Variants in FRMD4A observed in about 807,000 individuals in gnomAD.
FRMD4A encodes the protein FERM domain containing 4A, also known as FERM domain-containing protein 4A.
Under a neutral mutation model 129.1 loss-of-function variants are expected in FRMD4A, and 29 were observed. The ratio of observed to expected loss-of-function variants is 0.22; its 90% CI spans 0.17 to 0.31. FRMD4A has a LOEUF of 0.31. Ranked by LOEUF, FRMD4A falls within the 10% of genes least tolerant of loss-of-function variation. FRMD4A has a pLI of 1.00. For synonymous variants in FRMD4A, 634 were observed against 571.6 expected (o/e 1.11, Z -1.56); for missense variants, 1,272 against 1,375.8 (o/e 0.92, Z 1.19).
At chr10:14,238,588 C>T (rs1175926351) in intron 2 of FRMD4A, among the ~76,000 whole-genome samples, 1 of 152,042 alleles carries the variant, frequency 6.6e-6, no homozygotes, top group Non-Finnish European at 1.5e-5. Flanking sequence ...CATAGGTATA[C>T]ATGTGCCTTC....
rs61833193 is a variant in FRMD4A, at chr10:13,657,493, T to A, written c.2096A>T (p.His699Leu). The change falls in exon 22 of 25, where the codon CAC (histidine) becomes CTC (leucine). Residue 699 changes from histidine (H) to leucine (L), a missense_variant. Physicochemically the swap from His to Leu is moderately conservative, Grantham distance 99. Coordinates refer to ENST00000357447, the MANE Select transcript of FRMD4A (RefSeq NM_018027.5). ...GTGCCTAAAGTGCAGTGCGAGGCTGTGCAGTCGGGTGGGGCTGATGTCCAC... is the reference window on the plus strand; with the variant it reads ...GTGCCTAAAGTGCAGTGCGAGGCTGAGCAGTCGGGTGGGGCTGATGTCCAC... Reference protein sequence around the residue: ...RSVDISPTRLHSLALHFRHRS... With the variant: ...RSVDISPTRLLSLALHFRHRS... 2 of 1,602,446 alleles carry A rather than the reference T, an allele frequency of 1.2e-6. No homozygotes were observed. The highest frequency in any genetic ancestry group is 8.5e-7 in the Non-Finnish European group (1 of 1,177,054).
chr10:13,670,777 T>C (rs1484206610), intron 16 of FRMD4A, among the ~76,000 whole-genome samples: 1 of 152,266 alleles, frequency 6.6e-6, no homozygotes, highest in Admixed American at 6.5e-5. Flanking sequence ...TTTTCCAAAG[T>C]AAATTTCTGT....
chr10:14,180,716 T>C (rs1841887192), intron 2 of FRMD4A, among the ~76,000 whole-genome samples: 1 of 152,232 alleles, frequency 6.6e-6, no homozygotes, highest in Non-Finnish European at 1.5e-5. Context: ...CAGAGCTGAC[T>C]AGAACTCCAA....
At chr10:13,963,086 A>C (rs879408549) in intron 2 of FRMD4A, among the ~76,000 whole-genome samples, 1 of 152,192 alleles carries the variant, frequency 6.6e-6, no homozygotes, top group African/African-American at 2.4e-5. Flanking sequence ...TTAAGAAAGT[A>C]CTGTTGCAAA....
At chr10:13,776,331 A>C (rs2092596167) in intron 6 of FRMD4A, among the ~76,000 whole-genome samples, 1 of 152,056 alleles carries the variant, frequency 6.6e-6, no homozygotes, top group Non-Finnish European at 1.5e-5. Flanking sequence ...GGCTGGTCTC[A>C]AGCTCCTAAG....
chr10:13,766,270 ACTT>A (rs976583485), intron 6 of FRMD4A, among the ~76,000 whole-genome samples: 1 of 152,190 alleles, frequency 6.6e-6, no homozygotes, highest in Non-Finnish European at 1.5e-5. Flanking sequence ...GATTGATTCA[ACTT>A]CTCTCTCACC....
intron 2 of FRMD4A, among the ~76,000 whole-genome samples, chr10:14,141,643 G>A (rs1839841437): frequency 6.6e-6 from 1 of 152,004 alleles, no homozygotes; most frequent in East Asian, 1.9e-4. Flanking sequence ...CATCTCAGAG[G>A]CCTTTTCCCC....
Position 14,125,427 on chromosome 10 carries a change from A to G in FRMD4A, c.45+204631T>C, listed in dbSNP as rs543898933. Reference sequence around the variant, plus strand: ...TGACAAGCCTCCTTCCAGGACATTCAGAGACACAGTCACCCTGCCAAGCAG... The same window carrying G: ...TGACAAGCCTCCTTCCAGGACATTCGGAGACACAGTCACCCTGCCAAGCAG... On this transcript the variant is annotated intron_variant, in intron 2 of 24. Transcript: ENST00000357447. 1.5e-4 allele frequency among the ~76,000 whole-genome samples: 23 copies of G among 152,278 alleles called. No homozygotes were observed. The East Asian group carries it at 3.1e-3, about 20-fold the overall frequency.
At chr10:14,059,446 A>T (rs1296416799) in intron 2 of FRMD4A, among the ~76,000 whole-genome samples, 2 of 148,038 alleles carry the variant, frequency 1.4e-5, no homozygotes, top group East Asian at 4.1e-4. Context: ...TTACAAGAAG[A>T]GATGTCAGAG....
At chr10:13,921,497 G>T (rs1183924839) in intron 2 of FRMD4A, among the ~76,000 whole-genome samples, 3 of 152,156 alleles carry the variant, frequency 2.0e-5, no homozygotes, top group African/African-American at 4.8e-5. Flanking sequence ...CTGGGCTAAA[G>T]TGATCCACCT....
At chr10:14,030,593 T>C (rs1213788703) in intron 2 of FRMD4A, among the ~76,000 whole-genome samples, 1 of 152,198 alleles carries the variant, frequency 6.6e-6, no homozygotes, top group African/African-American at 2.4e-5. Context: ...TTGATGGCCA[T>C]ATAGACAACA....
intron 3 of FRMD4A, among the ~76,000 whole-genome samples, chr10:13,820,225 A>G (rs940175258): frequency 3.3e-5 from 5 of 152,130 alleles, no homozygotes; most frequent in Non-Finnish European, 7.4e-5. Context: ...GTTATTTGTT[A>G]TGGCAGACAC....
chr10:14,270,190 T>C (rs560909647), intron 2 of FRMD4A, among the ~76,000 whole-genome samples: 46 of 152,346 alleles, frequency 3.0e-4, no homozygotes, highest in Admixed American at 7.8e-4. Flanking sequence ...AGTTATGTTA[T>C]GGGTTTTTGC....
chr10:13,764,055 T>C (rs993189921), intron 6 of FRMD4A, among the ~76,000 whole-genome samples: 5 of 152,164 alleles, frequency 3.3e-5, no homozygotes, highest in Non-Finnish European at 5.9e-5. Context: ...TATTGAAGTA[T>C]AACTAAAACA....
chr10:14,229,076 T>C (rs765068650), intron 2 of FRMD4A, among the ~76,000 whole-genome samples: 6 of 151,874 alleles, frequency 4.0e-5, no homozygotes, highest in Non-Finnish European at 7.4e-5. Context: ...GTTGGAGAAA[T>C]GTTTTTTCTT....
intron 2 of FRMD4A, among the ~76,000 whole-genome samples, chr10:14,066,781 C>T (rs1398619072): frequency 6.6e-6 from 1 of 151,436 alleles, no homozygotes; most frequent in African/African-American, 2.4e-5. Flanking sequence ...CAAAGCAAAA[C>T]GTATCAAAAA....
chr10:13,709,653 T>C lies in FRMD4A; in HGVS notation c.760-2540A>G, dbSNP rs978271958. 6.6e-5 allele frequency among the ~76,000 whole-genome samples: 10 copies of C among 152,312 alleles called. No homozygotes were observed. The South Asian group carries it at 2.1e-3, about 32-fold the overall frequency. ...ATGGTACTTCAATGAAAGGGTCCTG[T>C]TGGCTGCATACCACGGCGGTCCCTC... On this transcript the variant is annotated intron_variant, in intron 12 of 24. Coordinates refer to ENST00000357447, the MANE Select transcript of FRMD4A (RefSeq NM_018027.5).
At chr10:14,090,745 C>G (rs913467875) in intron 2 of FRMD4A, among the ~76,000 whole-genome samples, 4 of 152,208 alleles carry the variant, frequency 2.6e-5, no homozygotes, top group African/African-American at 9.6e-5. Context: ...TGCAACAAAT[C>G]TTTCTGCCGT....
intron 3 of FRMD4A, among the ~76,000 whole-genome samples, chr10:13,831,332 C>G (rs944713595): frequency 6.6e-5 from 10 of 152,126 alleles, no homozygotes; most frequent in Non-Finnish European, 1.5e-4. Context: ...CCTGAGGTCT[C>G]AGCACTTTGG....
Sources: allele counts gnomAD v4.1 joint callset (sites outside exome capture counted in the v4.1 genomes callset), GRCh38; gene constraint gnomAD v4.1.1; transcripts MANE v1.5; gene names NCBI Gene and HGNC (gene_info 2026-07-23, HGNC 2026-07-21).